RIMBP2: variants seen among roughly 807,000 people sequenced by gnomAD.
The protein encoded by RIMBP2 is RIMS-binding protein 2.
Under a neutral mutation model 118.6 loss-of-function variants are expected in RIMBP2, and 48 were observed. The ratio of observed to expected loss-of-function variants is 0.40; its 90% confidence interval spans 0.32 to 0.51. The LOEUF (loss-of-function observed/expected upper bound fraction) is 0.51, where lower values mean the gene tolerates loss of function less well. Among genes scored for constraint, RIMBP2 ranks in the 20% least tolerant of loss-of-function variants. RIMBP2 has a pLI of 0.41. For synonymous variants in RIMBP2, 762 were observed against 742.9 expected, an observed-to-expected ratio of 1.03 and a Z score of -0.42; for missense variants, 1,551 against 1,768.3, an observed-to-expected ratio of 0.88 and a Z score of 2.20.
At chr12:130,715,615 G>T (rs1217938645) in intron 1 of RIMBP2, among the ~76,000 whole-genome samples, 1 of 152,230 alleles carries the variant, frequency 6.6e-6, no homozygotes, top group African/African-American at 2.4e-5. Context: ...CTCTGCCGGG[G>T]AACATCTGTT....
chr12:130,596,173 T>A (rs1303110779), intron 2 of RIMBP2, among the ~76,000 whole-genome samples: 1 of 152,124 alleles, frequency 6.6e-6, no homozygotes, highest in Non-Finnish European at 1.5e-5. Context: ...GATTTTGTTC[T>A]TAAACTCACA....
intron 2 of RIMBP2, among the ~76,000 whole-genome samples, chr12:130,604,783 T>C (rs1271166537): frequency 5.8e-5 from 7 of 121,168 alleles, no homozygotes; most frequent in African/African-American, 2.1e-4. Flanking sequence ...GGGGTTTCAC[T>C]GTGTTAGCCA....
chr12:130,438,341 C>CCA, intron 12 of RIMBP2, 24 bp downstream of exon 12: 1 of 1,387,656 alleles, frequency 7.2e-7, no homozygotes, highest in Non-Finnish European at 1.0e-6. Flanking sequence ...ACAAACCCTC[C>CCA]CCACCCACCC....
rs533925247 is a variant in RIMBP2, at chr12:130,571,962, G to T, written c.-216-54045C>A. On this transcript the variant is annotated intron_variant, in intron 2 of 22. Transcript: ENST00000690449. ...CACCGTCCCTGGCTGCACTCAGATG[G>T]TCGGCCTGTCCCGGCGCCCTCGGTC... Among the ~76,000 whole-genome samples the T allele has an allele frequency of 2.7e-3, 409 of 152,286 alleles. 2 individuals carry two copies. The highest frequency in any genetic ancestry group is 4.0e-3 in the Non-Finnish European group (274 of 68,022).
intron 1 of RIMBP2, among the ~76,000 whole-genome samples, chr12:130,657,229 G>C (rs2063468555): frequency 6.6e-6 from 1 of 152,176 alleles, no homozygotes; most frequent in Admixed American, 6.5e-5. Context: ...CTAGTCATAT[G>C]GGATGAGGGC....
At chr12:130,427,622 G>C (rs985397592) in intron 15 of RIMBP2, 2 of 152,404 alleles carry the variant, frequency 1.3e-5, no homozygotes, top group African/African-American at 2.4e-5. Context: ...AGAGGGTCTA[G>C]CGGGAGGTGG....
intron 2 of RIMBP2, among the ~76,000 whole-genome samples, chr12:130,616,894 G>C (rs2060975136): frequency 6.6e-6 from 1 of 152,206 alleles, no homozygotes; most frequent in Non-Finnish European, 1.5e-5. Context: ...TCTGCCAGAG[G>C]CCTGAGCAGG....
intron 2 of RIMBP2, among the ~76,000 whole-genome samples, chr12:130,562,340 A>G (rs1458557310): frequency 2.0e-5 from 3 of 152,202 alleles, no homozygotes; most frequent in Non-Finnish European, 4.4e-5. Context: ...ATTGAAATGG[A>G]AAATTATGAC....
At chr12:130,625,101 A>G (rs189582808) in intron 2 of RIMBP2, among the ~76,000 whole-genome samples, 3 of 152,366 alleles carry the variant, frequency 2.0e-5, no homozygotes, top group Admixed American at 2.0e-4. Context: ...ATACACCCAT[A>G]TAACGTGTGA....
At chr12:130,443,708 G>A (rs1002127155) in intron 10 of RIMBP2, among the ~76,000 whole-genome samples, 1 of 152,182 alleles carries the variant, frequency 6.6e-6, no homozygotes, top group African/African-American at 2.4e-5. Flanking sequence ...TTGCACTGAG[G>A]ATATGCTATT....
intron 21 of RIMBP2, among the ~76,000 whole-genome samples, chr12:130,401,078 T>A (rs189140241): frequency 6.0e-4 from 91 of 152,306 alleles, no homozygotes; most frequent in Non-Finnish European, 1.1e-3. Flanking sequence ...GTAAACATAC[T>A]TAACACTACT....
intron 2 of RIMBP2, among the ~76,000 whole-genome samples, chr12:130,605,548 G>A (rs1274524622): frequency 6.6e-6 from 1 of 152,098 alleles, no homozygotes; most frequent in Non-Finnish European, 1.5e-5. Flanking sequence ...ATGGCATTGT[G>A]GTTGTGTAGA....
intron 4 of RIMBP2, among the ~76,000 whole-genome samples, chr12:130,485,514 G>A (rs770674491): frequency 3.3e-5 from 5 of 152,342 alleles, no homozygotes; most frequent in Non-Finnish European, 5.9e-5. Context: ...ACTTCCTCGC[G>A]GCCCACCTGG....
At chr12:130,635,419 G>A (rs1217452538) in intron 1 of RIMBP2, among the ~76,000 whole-genome samples, 1 of 152,208 alleles carries the variant, frequency 6.6e-6, no homozygotes, top group Non-Finnish European at 1.5e-5. Context: ...ATATGTAGCA[G>A]TGAGGATAGG....
intron 2 of RIMBP2, among the ~76,000 whole-genome samples, chr12:130,589,716 CATT>C (rs765843490): frequency 2.1e-4 from 32 of 152,208 alleles, no homozygotes; most frequent in South Asian, 8.3e-4. Context: ...CCCTTATAGA[CATT>C]ATTATCTTTA....
intron 12 of RIMBP2, 26 bp downstream of exon 12, chr12:130,438,339 T>TCCCCCCCC: frequency 5.3e-6 from 4 of 755,636 alleles, no homozygotes; most frequent in South Asian, 1.6e-5. Context: ...TAACAAACCC[T>TCCCCCCCC]CCCCACCCAC....
At chr12:130,549,708 A>C (rs1593757252) in intron 2 of RIMBP2, among the ~76,000 whole-genome samples, 1 of 152,214 alleles carries the variant, frequency 6.6e-6, no homozygotes, top group Non-Finnish European at 1.5e-5. Context: ...TTATGGCTGC[A>C]TAGTATTCCA....
chr12:130,518,652 C>T (rs2051738683), intron 2 of RIMBP2, among the ~76,000 whole-genome samples: 1 of 152,166 alleles, frequency 6.6e-6, no homozygotes, highest in Non-Finnish European at 1.5e-5. Context: ...TTGTCTTACT[C>T]TCTACTATCA....
In RIMBP2 at chr12:130,442,321, C is replaced by G; in HGVS notation, c.1031G>C (p.Gly344Ala). ...CAGGACGTTGTAGCTGCTCACCGTT[C>G]CCCATCCTGGTGGCACCGCCGGGGG... ...WEPPAVPPGW[G>A]TVSSYNVLVD... Residue 344 changes from glycine to alanine, a missense_variant, in exon 11 of 23, where the codon GGA (glycine) becomes GCA (alanine). Physicochemically the swap from Gly to Ala is moderately conservative, Grantham distance 60. This residue lies in a region of RIMBP2 where 265 missense variants were observed against 349.5 expected (regional missense o/e 0.76). Transcript: ENST00000690449. The surrounding 1 kb of genome is among the most constrained non-coding windows in gnomAD (Gnocchi z 6.9). 6.2e-7 allele frequency: 1 copy of G among 1,614,212 alleles called. No individual in the cohort carries two copies. Among genetic ancestry groups the G allele is most frequent in the Non-Finnish European group, 8.5e-7 (1 of 1,180,036 alleles).
Sources: gnomAD v4.1 joint callset for allele counts (sites outside exome capture counted in the v4.1 genomes callset) on GRCh38, gnomAD v4.1.1 for gene constraint, gnomAD v4.1.1 regional missense constraint, Gnocchi (gnomAD v3.1) non-coding constraint, MANE v1.5 for transcripts, NCBI Gene and HGNC (gene_info 2026-07-23, HGNC 2026-07-21) for gene names.